Variants in MBD2 observed in about 807,000 individuals in gnomAD.
MBD2 encodes methyl-CpG-binding domain protein 2.
Under a neutral mutation model 39.3 loss-of-function variants are expected in MBD2, and 9 were observed. The observed-to-expected ratio is 0.23, with a 90% CI of 0.14 to 0.40. The LOEUF (loss-of-function observed/expected upper bound fraction) is 0.40. Ranked by LOEUF, MBD2 falls within the 10% of genes least tolerant of loss-of-function variation. The pLI is 1.00. For missense variants in MBD2, 458 were observed against 532.6 expected (o/e 0.86, Z 1.38); for synonymous variants, 233 against 211.1 (o/e 1.10, Z -0.90).
chr18:54,199,752 C>G (rs570680244), intron 2 of MBD2, among the ~76,000 whole-genome samples: 2 of 152,230 alleles, frequency 1.3e-5, no homozygotes, highest in Admixed American at 1.3e-4. Context: ...ACTTCCTGCA[C>G]AGAATTCATT....
At chr18:54,175,077 A>G (rs893278569) in intron 3 of MBD2, among the ~76,000 whole-genome samples, 3 of 152,204 alleles carry the variant, frequency 2.0e-5, no homozygotes, top group Admixed American at 6.5e-5. Context: ...CCACACAAAA[A>G]CCTAAAACTT....
rs189575551 is a variant in MBD2 at position 54,182,019 on chromosome 18, A to G, written c.840+6855T>C. Reference sequence around the variant, plus strand: ...CATTGCACTTAACACAACATGATACATTATCTATACATGTATTTGTCTGAC... The same window carrying G: ...CATTGCACTTAACACAACATGATACGTTATCTATACATGTATTTGTCTGAC... On this transcript the variant is annotated intron_variant, in intron 3 of 6. Coordinates refer to ENST00000256429, the MANE Select transcript of MBD2 (RefSeq NM_003927.5). 2.0e-3 allele frequency among the ~76,000 whole-genome samples: 310 copies of G among 152,218 alleles called. 1 individual carries two copies. The highest frequency in any genetic ancestry group is 7.1e-3 in the African/African-American group (294 of 41,530).
chr18:54,181,884 C>T (rs996091543), intron 3 of MBD2, among the ~76,000 whole-genome samples: 1 of 152,210 alleles, frequency 6.6e-6, no homozygotes, highest in Non-Finnish European at 1.5e-5. Flanking sequence ...TCTCCTAACC[C>T]TGTCAGTCCT....
At chr18:54,198,734 A>G (rs2086384309) in intron 2 of MBD2, among the ~76,000 whole-genome samples, 1 of 152,148 alleles carries the variant, frequency 6.6e-6, no homozygotes. Context: ...ACACACAAAA[A>G]TTGCACACAA....
At chr18:54,174,491 G>A (rs957638626) in intron 3 of MBD2, among the ~76,000 whole-genome samples, 1 of 152,176 alleles carries the variant, frequency 6.6e-6, no homozygotes, top group Admixed American at 6.5e-5. Context: ...ATGGCTTGGA[G>A]GTGGGTGCCT....
At chr18:54,213,413 G>C (rs556227080) in intron 1 of MBD2, among the ~76,000 whole-genome samples, 1 of 152,222 alleles carries the variant, frequency 6.6e-6, no homozygotes, top group African/African-American at 2.4e-5. Flanking sequence ...AAAACCATTC[G>C]GGATCCATGG....
chr18:54,187,326 T>A (rs535718688), intron 3 of MBD2, among the ~76,000 whole-genome samples: 65 of 152,372 alleles, frequency 4.3e-4, no homozygotes, highest in South Asian at 3.1e-3. Context: ...TCTTTATCTT[T>A]CAGAATTTTT....
intron 2 of MBD2, among the ~76,000 whole-genome samples, chr18:54,194,542 A>G (rs1206670066): frequency 3.3e-5 from 5 of 149,416 alleles, no homozygotes; most frequent in African/African-American, 1.3e-4. Flanking sequence ...ACATATATAG[A>G]AGTTGTGTGT....
rs2086030813 is a variant in MBD2 at position 54,152,974 on chromosome 18, TAC to T, written c.*2348_*2349del. On this transcript the variant is annotated 3_prime_UTR_variant, in exon 7 of 7. Transcript: ENST00000256429. ...CTCTTAAAAATCACTCTAAACTGCA[TAC>T]AAAGATAAGTGAGGGAAATAATACA... The T allele has an allele frequency of 6.6e-6, 1 of 152,226 alleles. No individual in the cohort carries two copies. The highest frequency in any genetic ancestry group is 2.1e-4 in the South Asian group (1 of 4,828). 9.4% of individuals were successfully genotyped at this position (152,226 alleles called of 1,614,324 possible).
intron 3 of MBD2, among the ~76,000 whole-genome samples, chr18:54,178,867 A>G (rs1405959575): frequency 6.6e-6 from 1 of 152,206 alleles, no homozygotes; most frequent in Non-Finnish European, 1.5e-5. Flanking sequence ...AAATATATAA[A>G]CAATCTTTTG....
intron 2 of MBD2, among the ~76,000 whole-genome samples, chr18:54,196,567 G>T (rs573607406): frequency 1.2e-3 from 179 of 152,296 alleles, no homozygotes; most frequent in Non-Finnish European, 1.9e-3. Flanking sequence ...TGGAAATAGT[G>T]ACACAAATGG....
At position 54,172,281 on chromosome 18, in the gene MBD2, T is replaced by C. The variant is rs140822261; in HGVS notation, c.841-6115A>G. The stretch of plus-strand genomic sequence containing the variant: ...AATAAAGAATTGGTGTAACATATTT[T>C]CTCTGCAAATTAGCGTTCTTAGACC... On this transcript the variant is annotated intron_variant, in intron 3 of 6. Coordinates refer to ENST00000256429, the MANE Select transcript of MBD2 (RefSeq NM_003927.5). Among the ~76,000 whole-genome samples, 185 of 152,302 alleles carry C rather than the reference T, an allele frequency of 1.2e-3. 2 individuals carry two copies. The highest frequency in any genetic ancestry group is 4.3e-3 in the African/African-American group (177 of 41,568).
At chr18:54,180,432 C>A (rs1055655375) in intron 3 of MBD2, among the ~76,000 whole-genome samples, 1 of 152,052 alleles carries the variant, frequency 6.6e-6, no homozygotes, top group South Asian at 2.1e-4. Flanking sequence ...ACTTACCCTA[C>A]CCAGAAAAAT....
chr18:54,198,452 C>A (rs1391895418), intron 2 of MBD2, among the ~76,000 whole-genome samples: 1 of 152,168 alleles, frequency 6.6e-6, no homozygotes, highest in African/African-American at 2.4e-5. Flanking sequence ...CTGTGGCTCA[C>A]GCCTGTAATC....
chr18:54,203,090 T>G (rs1291931968), intron 2 of MBD2: 1 of 1,598,024 alleles, frequency 6.3e-7, no homozygotes, highest in South Asian at 1.1e-5. Context: ...GGACGATGAG[T>G]GTTCCAGCGC....
At chr18:54,188,579 A>G (rs745425232) in intron 3 of MBD2, among the ~76,000 whole-genome samples, 5 of 152,234 alleles carry the variant, frequency 3.3e-5, no homozygotes, top group Non-Finnish European at 7.3e-5. Context: ...CCTTGGAAAG[A>G]TAATCTTTAA....
At chr18:54,203,835 G>A (rs984417640) in intron 2 of MBD2, among the ~76,000 whole-genome samples, 4 of 152,262 alleles carry the variant, frequency 2.6e-5, no homozygotes, top group African/African-American at 4.8e-5. Flanking sequence ...CTTAGGGAAC[G>A]AGCAGTGTGG....
At chr18:54,221,528 A>G (rs1419883993) in intron 1 of MBD2, among the ~76,000 whole-genome samples, 1 of 150,686 alleles carries the variant, frequency 6.6e-6, no homozygotes. Context: ...CACACCTGTA[A>G]TCCCAGCACT....
At chr18:54,203,111 G>C (rs949771426) in intron 2 of MBD2, 6 of 1,612,324 alleles carry the variant, frequency 3.7e-6, no homozygotes, top group Middle Eastern at 1.6e-4. Context: ...AGCTAGAGCA[G>C]AAAAGTGCAC....
Sources: allele counts gnomAD v4.1 joint callset (sites outside exome capture counted in the v4.1 genomes callset), GRCh38; gene constraint gnomAD v4.1.1; transcripts MANE v1.5; gene names NCBI Gene and HGNC (gene_info 2026-07-23, HGNC 2026-07-21).